Variants in TFEB observed in about 807,000 individuals in gnomAD.
TFEB encodes the protein transcription factor EB, also known as T-cell transcription factor EB.
In TFEB, 12 loss-of-function variants were observed where a neutral mutation model predicts 48.0. That is an observed-to-expected ratio of 0.25 (90% CI 0.16 to 0.40). The LOEUF (loss-of-function observed/expected upper bound fraction) is 0.40. TFEB is among the 10% of genes least tolerant of loss of function. The pLI, the probability that TFEB is intolerant of heterozygous loss-of-function variation, is 1.00. For synonymous variants in TFEB, 244 were observed against 261.4 expected (o/e 0.93, Z 0.64); for missense variants, 509 against 640.3 (o/e 0.79, Z 2.21).
Position 41,684,357 on chromosome 6 carries a change from C to T in TFEB, c.*242G>A, listed in dbSNP as rs913321387. 3 of 403,444 alleles carry T rather than the reference C, an allele frequency of 7.4e-6. No individual in the cohort carries two copies. The highest frequency in any genetic ancestry group is 3.9e-5 in the East Asian group (1 of 25,846). The allele number at this position is 403,444 out of a possible 1,614,324, so 25.0% of individuals were successfully genotyped here. On this transcript the variant is annotated 3_prime_UTR_variant, in exon 9 of 9. Coordinates refer to ENST00000373033, the MANE Select transcript of TFEB (RefSeq NM_001271944.2). ...CCTCCCTGCCCCGCGATTCCATCTC[C>T]GGGAGAGGGGCTGAAGGCCTCTTCC...
intron 1 of TFEB, among the ~76,000 whole-genome samples, chr6:41,729,099 G>A (rs183393500): frequency 3.2e-4 from 48 of 151,700 alleles, no homozygotes; most frequent in Non-Finnish European, 4.9e-4. Flanking sequence ...TCCCGGCCCC[G>A]CCTCGCCTCC....
chr6:41,695,853 G>T (rs772935014), intron 1 of TFEB, among the ~76,000 whole-genome samples: 4 of 152,192 alleles, frequency 2.6e-5, no homozygotes, highest in Admixed American at 6.5e-5. Flanking sequence ...TTTATGGGGG[G>T]GCCCAACCTG....
At chr6:41,700,296 C>T (rs1230039098) in intron 1 of TFEB, among the ~76,000 whole-genome samples, 2 of 152,134 alleles carry the variant, frequency 1.3e-5, no homozygotes, top group African/African-American at 4.8e-5. Context: ...GAAACCCCGT[C>T]TCTACTAAAA....
rs768131122 is a variant in TFEB at position 41,688,035 on chromosome 6, G to T, written c.550-7C>A. 2 of 1,607,470 alleles carry T rather than the reference G, an allele frequency of 1.2e-6. No homozygotes were observed. Among genetic ancestry groups the T allele is most frequent in the South Asian group, 2.2e-5 (2 of 90,820 alleles). On this transcript the variant is annotated splice_polypyrimidine_tract_variant and splice_region_variant and intron_variant, in intron 4 of 8. Transcript: ENST00000373033. The stretch of plus-strand genomic sequence containing the variant: ...GGCTGCTGGACAGGGGTAGCTGTGG[G>T]GTAGGGGGTGAGGGAGACCCATGAG...
chr6:41,726,700 A>G (rs1324319725), intron 1 of TFEB, among the ~76,000 whole-genome samples: 1 of 152,140 alleles, frequency 6.6e-6, no homozygotes, highest in Non-Finnish European at 1.5e-5. Flanking sequence ...TAGCCTCACA[A>G]AGTGCTGGGA....
intron 7 of TFEB, chr6:41,686,510 T>A (rs1769015271): frequency 5.1e-5 from 5 of 98,736 alleles, no homozygotes; most frequent in African/African-American, 7.7e-5. Flanking sequence ...CTACCTTTCT[T>A]TTTTTTTTTT....
Position 41,723,180 on chromosome 6 carries a change from G to A in TFEB, c.-23+12170C>T, listed in dbSNP as rs1015414757. ...CTCTGGCTGACTCCTGATTTCCCACGCTGTCCAACCTGCACTCCAGAGCTT... is the reference window on the plus strand; with the variant it reads ...CTCTGGCTGACTCCTGATTTCCCACACTGTCCAACCTGCACTCCAGAGCTT... On this transcript the variant is annotated intron_variant, in intron 1 of 8. Transcript: ENST00000373033. The surrounding 1 kb of genome is among the most constrained non-coding windows in gnomAD (Gnocchi z 6.0). 2.6e-5 allele frequency among the ~76,000 whole-genome samples: 4 copies of A among 151,960 alleles called. No individual in the cohort carries two copies. Among genetic ancestry groups the A allele is most frequent in the East Asian group, 1.9e-4 (1 of 5,176 alleles).
At chr6:41,702,610 C>G (rs898311161) in intron 1 of TFEB, among the ~76,000 whole-genome samples, 2 of 151,594 alleles carry the variant, frequency 1.3e-5, no homozygotes, top group African/African-American at 4.8e-5. Flanking sequence ...TTCATGGATG[C>G]TACGTCAGCC....
intron 1 of TFEB, among the ~76,000 whole-genome samples, chr6:41,708,307 G>A (rs1164082533): frequency 6.6e-6 from 1 of 152,154 alleles, no homozygotes; most frequent in Admixed American, 6.5e-5. Flanking sequence ...AGAGGGCTTG[G>A]CAGACCCCCA....
At chr6:41,709,793 A>T (rs960178209) in intron 1 of TFEB, among the ~76,000 whole-genome samples, 5 of 152,000 alleles carry the variant, frequency 3.3e-5, no homozygotes, top group African/African-American at 4.8e-5. Context: ...TTTATTTTTT[A>T]TTTTTATTTT....
intron 1 of TFEB, among the ~76,000 whole-genome samples, chr6:41,721,602 T>C (rs1186755233): frequency 6.6e-6 from 1 of 152,236 alleles, no homozygotes; most frequent in Non-Finnish European, 1.5e-5. Flanking sequence ...CCCAACTATC[T>C]GCCTGGCGCG....
chr6:41,728,829 C>A (rs1332271776), intron 1 of TFEB, among the ~76,000 whole-genome samples: 1 of 152,044 alleles, frequency 6.6e-6, no homozygotes, highest in Non-Finnish European at 1.5e-5. Flanking sequence ...GACCTGTGGG[C>A]GAGGCCCCTG....
chr6:41,691,177 G>A lies in TFEB; in HGVS notation c.37C>T (p.Arg13Trp), dbSNP rs768013768. 18 of 1,587,710 alleles carry A rather than the reference G, an allele frequency of 1.1e-5. No individual in the cohort carries two copies. Among genetic ancestry groups the A allele is most frequent in the Admixed American group, 8.7e-5 (5 of 57,234 alleles). Reference sequence around the variant, plus strand: ...TGCTCCTCCTGCTGCGCCTGCTCCCGCATGAGCTGCATGCGCAACCCTATG... The same window carrying A: ...TGCTCCTCCTGCTGCGCCTGCTCCCACATGAGCTGCATGCGCAACCCTATG... ...SRIGLRMQLM[R>W]EQAQQEEQRE... The change falls in exon 2 of 9, where the codon CGG becomes TGG. Residue 13 changes from arginine (R) to tryptophan (W), a missense_variant. Physicochemically the swap from Arg to Trp is moderately radical, Grantham distance 101. Coordinates refer to ENST00000373033, the MANE Select transcript of TFEB (RefSeq NM_001271944.2). This position sits in a 1 kb window ranked among gnomAD's most constrained non-coding sequence, Gnocchi z 5.2.
chr6:41,707,071 G>C (rs1354735495), intron 1 of TFEB, among the ~76,000 whole-genome samples: 1 of 152,044 alleles, frequency 6.6e-6, no homozygotes, highest in Non-Finnish European at 1.5e-5. Context: ...CCAAGGCTCA[G>C]AGCTGCTCTG....
intron 1 of TFEB, chr6:41,733,516 G>C (rs1284988652): frequency 6.9e-6 from 4 of 579,902 alleles, no homozygotes; most frequent in Non-Finnish European, 8.7e-6. Context: ...AGCAGAGCAT[G>C]GAGTCACCCA....
chr6:41,686,988 G>T, intron 7 of TFEB, 106 bp downstream of exon 7: 1 of 925,254 alleles, frequency 1.1e-6, no homozygotes, highest in Non-Finnish European at 1.8e-6. Context: ...CTTCTAGAAG[G>T]AATTCTCCTC....
intron 1 of TFEB, among the ~76,000 whole-genome samples, chr6:41,706,778 C>T (rs1037373627): frequency 5.9e-5 from 9 of 152,044 alleles, no homozygotes; most frequent in South Asian, 2.1e-4. Flanking sequence ...ACCCACCCAC[C>T]GGATGGAGTG....
intron 1 of TFEB, among the ~76,000 whole-genome samples, chr6:41,725,356 A>G (rs1034677854): frequency 3.3e-5 from 5 of 152,166 alleles, no homozygotes; most frequent in South Asian, 2.1e-4. Context: ...GAAGCACCTA[A>G]AAGATGGGCA....
rs1294715283 is a variant in TFEB at position 41,689,828 on chromosome 6, T to C, written c.469-17A>G. ...ATCATCCAACTGGAAAAGAGAAAAG[T>C]CCATCTGGGGAGGGCCCACCACGAG... is the stretch of plus-strand genomic sequence containing the variant. On this transcript the variant is annotated splice_polypyrimidine_tract_variant and intron_variant, in intron 3 of 8. Coordinates refer to ENST00000373033, the MANE Select transcript of TFEB (RefSeq NM_001271944.2). The C allele has an allele frequency of 6.2e-7, 1 of 1,610,476 alleles. No individual in the cohort carries two copies. The highest frequency in any genetic ancestry group is 8.5e-7 in the Non-Finnish European group (1 of 1,177,356).
Sources: gnomAD v4.1 joint callset for allele counts (sites outside exome capture counted in the v4.1 genomes callset) on GRCh38, gnomAD v4.1.1 for gene constraint, Gnocchi (gnomAD v3.1) non-coding constraint, MANE v1.5 for transcripts, NCBI Gene and HGNC (gene_info 2026-07-23, HGNC 2026-07-21) for gene names.